Variants in ACVR1C observed in about 807,000 individuals in gnomAD.
ACVR1C encodes activin receptor type-1C.
A neutral mutation model predicts 57.9 loss-of-function variants in ACVR1C; 23 were observed. The ratio of observed to expected loss-of-function variants is 0.40; its 90% CI spans 0.29 to 0.56. The LOEUF (loss-of-function observed/expected upper bound fraction) is 0.56, where lower values mean the gene tolerates loss of function less well. ACVR1C is among the 20% of genes least tolerant of loss of function. ACVR1C has a pLI of 0.50. For synonymous variants in ACVR1C, 214 were observed against 215.3 expected (o/e 0.99, Z 0.05); for missense variants, 480 against 607.9 (o/e 0.79, Z 2.21).
At chr2:157,545,814 G>A (rs911689311) in intron 4 of ACVR1C, among the ~76,000 whole-genome samples, 7 of 151,884 alleles carry the variant, frequency 4.6e-5, no homozygotes, top group Middle Eastern at 3.4e-3. Context: ...TCGCTCTGTC[G>A]CTTAGGCTGG....
Position 157,528,738 on chromosome 2 carries a change from T to C in ACVR1C, c.*5180A>G, listed in dbSNP as rs1309584052. Reference sequence around the variant, plus strand: ...GCGGAATTTAGCATTAAAGCAAAAGTAGACATTCTTTATATGTTAGCTAAA... The same window carrying C: ...GCGGAATTTAGCATTAAAGCAAAAGCAGACATTCTTTATATGTTAGCTAAA... On this transcript the variant is annotated 3_prime_UTR_variant, in exon 9 of 9. Coordinates refer to ENST00000243349, the MANE Select transcript of ACVR1C (RefSeq NM_145259.3). The C allele has an allele frequency of 6.6e-6, 1 of 152,176 alleles. No homozygotes were observed. The highest frequency in any genetic ancestry group is 1.5e-5 in the Non-Finnish European group (1 of 68,010). The allele number at this position is 152,176 out of a possible 1,614,324, so 9.4% of individuals were successfully genotyped here. A position where few individuals can be genotyped will look rare whatever the true frequency, so the allele number is the denominator to read the frequency against.
chr2:157,623,250 C>G (rs1682825748), intron 1 of ACVR1C, among the ~76,000 whole-genome samples: 1 of 152,180 alleles, frequency 6.6e-6, no homozygotes, highest in Non-Finnish European at 1.5e-5. Flanking sequence ...AGCAATCCCA[C>G]TGATGGATAT....
At chr2:157,608,672 C>T (rs1210902927) in intron 1 of ACVR1C, among the ~76,000 whole-genome samples, 1 of 151,754 alleles carries the variant, frequency 6.6e-6, no homozygotes, top group Admixed American at 6.6e-5. Context: ...TGTTATTGGT[C>T]TGTTCAGGTT....
At chr2:157,623,617 TGGTGGGGGA>T (rs1480832014) in intron 1 of ACVR1C, among the ~76,000 whole-genome samples, 2 of 144,648 alleles carry the variant, frequency 1.4e-5, no homozygotes, top group East Asian at 4.1e-4. Flanking sequence ...AGTAGGGGGT[TGGTGGGGGA>T]GGTGGGGATG....
At chr2:157,555,101 C>CTTTTTTTTTTTTTTTTTTTTTTTTTTTT (rs60269781) in intron 3 of ACVR1C, among the ~76,000 whole-genome samples, 1 of 83,926 alleles carries the variant, frequency 1.2e-5, no homozygotes, top group African/African-American at 5.9e-5. Context: ...ACTTTGAACG[C>CTTTTTTTTTTTTTTTTTTTTTTTTTTTT]TTTTTTTTTT....
In ACVR1C at chr2:157,609,078, T is replaced by C. The variant is rs1468209388; in HGVS notation, c.73+19494A>G. 2.0e-5 allele frequency among the ~76,000 whole-genome samples: 3 copies of C among 151,836 alleles called. No individual in the cohort carries two copies. The East Asian group carries it at 5.8e-4, about 29-fold the overall frequency. On this transcript the variant is annotated intron_variant, in intron 1 of 8. Coordinates refer to ENST00000243349, the MANE Select transcript of ACVR1C (RefSeq NM_145259.3). The stretch of plus-strand genomic sequence containing the variant: ...CCTTGTTAGGTTATTTTAAATCAGG[T>C]GTGTTTTTTTTAGTGTGGGCATTTA...
intron 1 of ACVR1C, among the ~76,000 whole-genome samples, chr2:157,602,441 A>G (rs899881431): frequency 6.6e-6 from 1 of 152,256 alleles, no homozygotes; most frequent in African/African-American, 2.4e-5. Flanking sequence ...ATGAAATTTC[A>G]TCTTCATACA....
At chr2:157,577,283 G>C (rs1419763512) in intron 2 of ACVR1C, among the ~76,000 whole-genome samples, 2 of 152,018 alleles carry the variant, frequency 1.3e-5, no homozygotes, top group African/African-American at 2.4e-5. Flanking sequence ...CATAAATCAT[G>C]TTGTTTCAAC....
intron 1 of ACVR1C, among the ~76,000 whole-genome samples, chr2:157,601,186 A>C (rs374789254): frequency 6.6e-6 from 1 of 151,972 alleles, no homozygotes; most frequent in East Asian, 1.9e-4. Flanking sequence ...GCTTGGTGGC[A>C]GGCTCCTGTA....
chr2:157,543,620 A>C (rs1687671218), intron 5 of ACVR1C, among the ~76,000 whole-genome samples: 1 of 152,196 alleles, frequency 6.6e-6, no homozygotes, highest in African/African-American at 2.4e-5. Context: ...AGTCCTCAAT[A>C]ATTTTAAGAG....
rs536839369 is a variant in ACVR1C at position 157,598,206 on chromosome 2, A to C, written c.74-10789T>G. Among the ~76,000 whole-genome samples the C allele has an allele frequency of 3.3e-5, 5 of 151,994 alleles. No individual in the cohort carries two copies. The East Asian group carries it at 5.8e-4, about 18-fold the overall frequency. ...GTTGTCAAGGAAGAACATTGAAAAA[A>C]AAAAAAAAAGCATCCTCTATTACTA... On this transcript the variant is annotated intron_variant, in intron 1 of 8. Coordinates refer to ENST00000243349, the MANE Select transcript of ACVR1C (RefSeq NM_145259.3).
intron 3 of ACVR1C, among the ~76,000 whole-genome samples, chr2:157,551,258 C>A (rs1687917380): frequency 6.6e-6 from 1 of 152,090 alleles, no homozygotes; most frequent in African/African-American, 2.4e-5. Flanking sequence ...ATCTGAAAAA[C>A]TGGGGATAAT....
chr2:157,542,045 CAT>C (rs1573905286), intron 6 of ACVR1C, among the ~76,000 whole-genome samples: 4 of 152,284 alleles, frequency 2.6e-5, no homozygotes, highest in Admixed American at 2.0e-4. Flanking sequence ...TGACCTGACA[CAT>C]GTGTGGTATA....
At chr2:157,585,087 G>T (rs1688884031) in intron 2 of ACVR1C, among the ~76,000 whole-genome samples, 1 of 152,128 alleles carries the variant, frequency 6.6e-6, no homozygotes. Flanking sequence ...AGCCCTGGTG[G>T]AAGTGGGACT....
intron 1 of ACVR1C, among the ~76,000 whole-genome samples, chr2:157,617,786 T>C (rs1682686330): frequency 6.6e-6 from 1 of 151,984 alleles, no homozygotes; most frequent in Non-Finnish European, 1.5e-5. Flanking sequence ...TGGATATATA[T>C]ATGATAAGGC....
In ACVR1C at chr2:157,531,909, C is replaced by G. The variant is rs1687357894; in HGVS notation, c.*2009G>C. On this transcript the variant is annotated 3_prime_UTR_variant, in exon 9 of 9. Coordinates refer to ENST00000243349, the MANE Select transcript of ACVR1C (RefSeq NM_145259.3). ...AATTTAATCTCTTCCCCCACACACT[C>G]ACATCCCTATTCCCATTCCCAAATT... 6.6e-6 allele frequency: 1 copy of G among 152,138 alleles called. No individual in the cohort carries two copies. Among genetic ancestry groups the G allele is most frequent in the Non-Finnish European group, 1.5e-5 (1 of 68,014 alleles). 9.4% of individuals were successfully genotyped at this position (152,138 alleles called of 1,614,324 possible). A position where few individuals can be genotyped will look rare whatever the true frequency, so the allele number is the denominator to read the frequency against.
At chr2:157,566,506 A>G (rs1480035757) in intron 2 of ACVR1C, among the ~76,000 whole-genome samples, 2 of 152,202 alleles carry the variant, frequency 1.3e-5, no homozygotes, top group Admixed American at 1.3e-4. Flanking sequence ...GTGTGTGCCC[A>G]CCGTGCGCGA....
intron 1 of ACVR1C, among the ~76,000 whole-genome samples, chr2:157,588,661 A>C (rs1688984734): frequency 7.6e-6 from 1 of 131,554 alleles, no homozygotes; most frequent in South Asian, 2.3e-4. Context: ...CTCATAGCTT[A>C]GCTCCCTTTT....
At chr2:157,611,893 C>T (rs1682544160) in intron 1 of ACVR1C, among the ~76,000 whole-genome samples, 1 of 152,106 alleles carries the variant, frequency 6.6e-6, no homozygotes, top group African/African-American at 2.4e-5. Flanking sequence ...GGGGCATAGG[C>T]TGTAGTAGAC....
Sources: allele counts gnomAD v4.1 joint callset (sites outside exome capture counted in the v4.1 genomes callset), GRCh38; gene constraint gnomAD v4.1.1; transcripts MANE v1.5; gene names NCBI Gene and HGNC (gene_info 2026-07-23, HGNC 2026-07-21).